Variants in NEB observed in about 807,000 individuals in gnomAD.
NEB encodes the protein nemaline myopathy type 2.
A neutral mutation model predicts 952.2 loss-of-function variants in NEB; 512 were observed. The ratio of observed to expected loss-of-function variants is 0.54; its 90% CI spans 0.50 to 0.58. The LOEUF is 0.58. Ranked by LOEUF, NEB falls within the 20% of genes least tolerant of loss-of-function variation. The pLI, the probability that NEB is intolerant of heterozygous loss-of-function variation, is 0.00. For synonymous variants in NEB, 2,900 were observed against 3,149.8 expected (o/e 0.92, Z 2.66); for missense variants, 8,428 against 9,231.1 (o/e 0.91, Z 3.56).
At chr2:151,514,103 T>C (rs2076273642) in intron 159 of NEB, among the ~76,000 whole-genome samples, 2 of 152,254 alleles carry the variant, frequency 1.3e-5, no homozygotes, top group Admixed American at 1.3e-4. Flanking sequence ...TAGATTATGA[T>C]AACCACTACA....
intron 107 of NEB, among the ~76,000 whole-genome samples, chr2:151,571,302 A>G (rs2096621137): frequency 6.6e-6 from 1 of 152,206 alleles, no homozygotes; most frequent in Admixed American, 6.5e-5. Flanking sequence ...TTGTTTTCAA[A>G]TGTACAATAA....
chr2:151,583,136 T>A (rs2097141531), intron 101 of NEB, among the ~76,000 whole-genome samples: 1 of 119,228 alleles, frequency 8.4e-6, no homozygotes, highest in African/African-American at 2.7e-5. Flanking sequence ...AAATCCAACA[T>A]TTCCTTATGC....
chr2:151,612,520 G>C, intron 77 of NEB, 131 bp from the exon 78 acceptor site: 1 of 921,034 alleles, frequency 1.1e-6, no homozygotes, highest in Non-Finnish European at 1.6e-6. Flanking sequence ...AGACCCACAG[G>C]ATTGCTTTAC....
chr2:151,615,042 G>A (rs2098144719), intron 76 of NEB, among the ~76,000 whole-genome samples: 1 of 152,150 alleles, frequency 6.6e-6, no homozygotes, highest in Admixed American at 6.5e-5. Flanking sequence ...GTTACATTTA[G>A]ATAGAGTTTA....
chr2:151,527,431 T>A (rs1437951199), intron 147 of NEB, 50 bp downstream of exon 147: 21 of 1,272,286 alleles, frequency 1.7e-5, no homozygotes, highest in Non-Finnish European at 2.1e-5. Flanking sequence ...TTCATTGTAT[T>A]TCTCAGGTGC....
Position 151,662,314 on chromosome 2 carries a change from A to C in NEB, c.5791T>G (p.Phe1931Val). Reference protein sequence around the residue: ...DNQYKADYADFMKGIGWLPLG... With the variant: ...DNQYKADYADVMKGIGWLPLG... ...GGGAGCCATCCAATGCCCTTCATGAAGTCAGCATAGTCAGCCTTGTACTGA... is the reference window on the plus strand; with the variant it reads ...GGGAGCCATCCAATGCCCTTCATGACGTCAGCATAGTCAGCCTTGTACTGA... Residue 1931 changes from phenylalanine to valine, a missense_variant, in exon 46 of 182, where the codon TTC becomes GTC. Physicochemically the swap from Phe to Val is conservative, Grantham distance 50. Coordinates refer to ENST00000397345, the MANE Select transcript of NEB (RefSeq NM_001164508.2). The C allele has an allele frequency of 6.2e-7, 1 of 1,613,446 alleles. No individual in the cohort carries two copies. The highest frequency in any genetic ancestry group is 8.5e-7 in the Non-Finnish European group (1 of 1,179,570).
chr2:151,531,700 G>A, intron 144 of NEB, 92 bp downstream of exon 144: 3 of 943,762 alleles, frequency 3.2e-6, no homozygotes, highest in Non-Finnish European at 1.7e-6. Flanking sequence ...AATGGCAGTA[G>A]TCTCCCAGAC....
rs569729941 is a variant in NEB at position 151,514,487 on chromosome 2, G to A, written c.23017-59C>T. 55 of 1,312,152 alleles carry A rather than the reference G, an allele frequency of 4.2e-5. No homozygotes were observed. In the African/African-American group the frequency reaches 7.1e-4, roughly 17 times the overall value. 81.3% of individuals were successfully genotyped at this position (1,312,152 alleles called of 1,614,324 possible). A position where few individuals can be genotyped will look rare whatever the true frequency, so the allele number is the denominator to read the frequency against. On this transcript the variant is annotated intron_variant, in intron 158 of 181. Transcript: ENST00000397345. Reference sequence around the variant, plus strand: ...AGAAAGCCCAGATTGATTCTCTCAGGCAAAGAAGAAAATAAAAAACAATTC... The same window carrying A: ...AGAAAGCCCAGATTGATTCTCTCAGACAAAGAAGAAAATAAAAAACAATTC...
chr2:151,710,571 T>C, intron 10 of NEB, 33 bp from the exon 11 acceptor site: 1 of 1,352,592 alleles, frequency 7.4e-7, no homozygotes, highest in Non-Finnish European at 1.0e-6. Flanking sequence ...AAGACAAGCA[T>C]AACTCATGAA....
rs763516008 is a variant in NEB at position 151,646,151 on chromosome 2, T to C, written c.7515A>G (p.Ala2505=). Residue 2505 remains alanine (A), a synonymous_variant, in exon 55 of 182, where the codon GCA becomes GCG. Transcript: ENST00000397345. ...PDTPDIVLAK[A]NLINTSDKLY... ...TTACATCACTTGTGTTGATTAAGTT[T>C]GCTTTAGCCAGAACAATGTCAGGTG... 4 of 1,596,458 alleles carry C rather than the reference T, an allele frequency of 2.5e-6. No homozygotes were observed. The Admixed American group carries it at 6.9e-5, about 28-fold the overall frequency.
chr2:151,670,153 A>G (rs570756591), intron 38 of NEB, among the ~76,000 whole-genome samples: 1 of 152,208 alleles, frequency 6.6e-6, no homozygotes, highest in South Asian at 2.1e-4. Context: ...AAGAAAAAGA[A>G]TTGACACCAG....
intron 173 of NEB, 72 bp downstream of exon 173, chr2:151,496,204 T>G: frequency 7.2e-7 from 1 of 1,390,602 alleles, no homozygotes; most frequent in Non-Finnish European, 1.0e-6. Flanking sequence ...GTAGGATTAA[T>G]ATGTATTATT....
chr2:151,692,062 A>G lies in NEB; in HGVS notation c.2103T>C (p.Ser701=), dbSNP rs535236430. Residue 701 remains serine, a synonymous_variant, in exon 22 of 182, where the codon AGT becomes AGC. Transcript: ENST00000397345. ...GAACCATTGTCTTCAAACTTACATC[A>G]CTGTTTTGAGCTGCAACTTTCATGC... ...THCMKVAAQN[S]DKSYKAEYEE... is the part of the protein sequence containing the mutation. 5 of 1,613,508 alleles carry G rather than the reference A, an allele frequency of 3.1e-6. No individual in the cohort carries two copies. In the East Asian group the frequency reaches 1.1e-4, roughly 36 times the overall value.
intron 124 of NEB, among the ~76,000 whole-genome samples, chr2:151,557,592 T>C (rs548272880): frequency 8.5e-4 from 130 of 152,336 alleles, no homozygotes; most frequent in Middle Eastern, 6.8e-3. Context: ...CCAATATCCC[T>C]GATGAACATC....
intron 17 of NEB, among the ~76,000 whole-genome samples, chr2:151,696,206 A>G (rs937418149): frequency 2.0e-5 from 3 of 152,206 alleles, no homozygotes; most frequent in African/African-American, 7.2e-5. Context: ...CTTACTAGGG[A>G]GAGAGAAATT....
At chr2:151,507,933 G>T in intron 162 of NEB, 72 bp downstream of exon 162, 3 of 1,072,494 alleles carry the variant, frequency 2.8e-6, no homozygotes, top group Non-Finnish European at 4.2e-6. Flanking sequence ...GCAAGCCTGG[G>T]ATATCCAGAG....
chr2:151,691,109 A>G (rs1195711695), intron 23 of NEB, among the ~76,000 whole-genome samples: 1 of 152,082 alleles, frequency 6.6e-6, no homozygotes, highest in Non-Finnish European at 1.5e-5. Context: ...CTTGGTACTC[A>G]GCTTCAACTG....
chr2:151,663,492 A>G, intron 45 of NEB, 56 bp downstream of exon 45: 9 of 1,481,272 alleles, frequency 6.1e-6, no homozygotes, highest in Non-Finnish European at 7.3e-6. Context: ...GCTTATGGTC[A>G]CTCATGGTTG....
intron 143 of NEB, chr2:151,532,101 T>C: frequency 2.2e-6 from 1 of 464,732 alleles, no homozygotes; most frequent in Non-Finnish European, 3.8e-6. Context: ...AATTTCCTTT[T>C]TTTGTTTCCC....
Sources: allele counts gnomAD v4.1 joint callset (sites outside exome capture counted in the v4.1 genomes callset), GRCh38; gene constraint gnomAD v4.1.1; transcripts MANE v1.5; gene names NCBI Gene and HGNC (gene_info 2026-07-23, HGNC 2026-07-21).